REDIC1: variants seen among roughly 807,000 people sequenced by gnomAD.
REDIC1 encodes the protein HEI10 Interacting Protein 1.
At chr12:39,836,005 G>A in the REDIC1 span, among the ~76,000 whole-genome samples, 1 of 152,070 alleles carries the variant, frequency 6.6e-6, no homozygotes, top group Non-Finnish European at 1.5e-5. Flanking sequence ...TAGTAATTTT[G>A]ATAACTCACT....
At chr12:39,653,518 C>CTTCTTCTTCTTCTTCTTA in the REDIC1 span, among the ~76,000 whole-genome samples, 1 of 56,658 alleles carries the variant, frequency 1.8e-5, no homozygotes, top group Non-Finnish European at 4.5e-5. Flanking sequence ...TCTTCTTCTT[C>CTTCTTCTTCTTCTTCTTA]TTCTTCTTCT....
At chr12:39,813,278 A>G in the REDIC1 span, among the ~76,000 whole-genome samples, 5 of 152,034 alleles carry the variant, frequency 3.3e-5, no homozygotes, top group South Asian at 1.0e-3. Flanking sequence ...CTAGGTCAGC[A>G]TTTATTTTGA....
chr12:39,775,244 G>A, the REDIC1 span, among the ~76,000 whole-genome samples: 1 of 152,218 alleles, frequency 6.6e-6, no homozygotes, highest in Non-Finnish European at 1.5e-5. Context: ...TCATTTTAAA[G>A]TAAATTGGGC....
chr12:39,741,731 T>C, the REDIC1 span, among the ~76,000 whole-genome samples: 1 of 152,186 alleles, frequency 6.6e-6, no homozygotes, highest in African/African-American at 2.4e-5. Flanking sequence ...TGAGATATCT[T>C]TAAGTGGGGG....
At chr12:39,882,862 TG>T in the REDIC1 span, among the ~76,000 whole-genome samples, 1 of 152,220 alleles carries the variant, frequency 6.6e-6, no homozygotes, top group Non-Finnish European at 1.5e-5. Context: ...ACTTTGTTTC[TG>T]GTACTAGAAT....
At chr12:39,713,497 CAT>C in the REDIC1 span, among the ~76,000 whole-genome samples, 2,893 of 149,462 alleles carry the variant, frequency 0.019, 92 homozygotes, top group African/African-American at 0.066. Flanking sequence ...CATTTGTACA[CAT>C]ACATATGTAT....
At chr12:39,777,460 G>A in the REDIC1 span, among the ~76,000 whole-genome samples, 9 of 152,228 alleles carry the variant, frequency 5.9e-5, no homozygotes, top group East Asian at 1.5e-3. Context: ...ATATGGAAGG[G>A]AAGTGCTAGG....
the REDIC1 span, among the ~76,000 whole-genome samples, chr12:39,635,834 T>C: frequency 6.6e-5 from 10 of 152,056 alleles, no homozygotes; most frequent in Non-Finnish European, 5.9e-5. Flanking sequence ...TTTATGGTAT[T>C]TATAATATTG....
chr12:39,627,709 A>C, the REDIC1 span, among the ~76,000 whole-genome samples: 1 of 152,180 alleles, frequency 6.6e-6, no homozygotes, highest in Admixed American at 6.5e-5. Context: ...GATTAGGAGA[A>C]AATATGTGTT....
the REDIC1 span, among the ~76,000 whole-genome samples, chr12:39,799,375 G>T: frequency 2.0e-5 from 3 of 149,932 alleles, no homozygotes; most frequent in Non-Finnish European, 4.4e-5. Flanking sequence ...CTTCCAAAGT[G>T]CTGGAATTAC....
At chr12:39,809,646 T>C in the REDIC1 span, among the ~76,000 whole-genome samples, 3 of 152,176 alleles carry the variant, frequency 2.0e-5, no homozygotes, top group Non-Finnish European at 4.4e-5. Context: ...CCTAATGCTA[T>C]CCTTTCCCCA....
At chr12:39,683,424 A>G in the REDIC1 span, 90 of 1,595,172 alleles carry the variant, frequency 5.6e-5, no homozygotes, top group Admixed American at 4.9e-4. Flanking sequence ...GAAAAATTTG[A>G]AAATGATTAC....
chr12:39,858,376 C>A, the REDIC1 span, among the ~76,000 whole-genome samples: 3 of 152,140 alleles, frequency 2.0e-5, no homozygotes, highest in Admixed American at 1.3e-4. Flanking sequence ...TTAATAGTAA[C>A]CTCATGGTAT....
the REDIC1 span, among the ~76,000 whole-genome samples, chr12:39,665,161 G>T: frequency 6.6e-6 from 1 of 152,004 alleles, no homozygotes; most frequent in Admixed American, 6.6e-5. Flanking sequence ...CCTATGTCCT[G>T]AATGGTATTG....
chr12:39,712,453 C>T, the REDIC1 span, among the ~76,000 whole-genome samples: 2 of 40,374 alleles, frequency 5.0e-5, no homozygotes, highest in South Asian at 1.2e-3. Context: ...TGTATACATA[C>T]GTATATATAC....
At chr12:39,792,622 T>A in the REDIC1 span, among the ~76,000 whole-genome samples, 1 of 152,124 alleles carries the variant, frequency 6.6e-6, no homozygotes, top group Non-Finnish European at 1.5e-5. Flanking sequence ...AGTTCCAGGA[T>A]CCCTGTGGAT....
the REDIC1 span, among the ~76,000 whole-genome samples, chr12:39,744,298 G>C: frequency 1.3e-5 from 2 of 152,168 alleles, no homozygotes; most frequent in Non-Finnish European, 2.9e-5. Context: ...TTTGTTGTCA[G>C]TACACCTGAC....
At chr12:39,669,133 T>C in the REDIC1 span, among the ~76,000 whole-genome samples, 1 of 152,200 alleles carries the variant, frequency 6.6e-6, no homozygotes, top group Non-Finnish European at 1.5e-5. Flanking sequence ...GACGCTCTGA[T>C]TTTTAGAGTT....
At chr12:39,661,402 T>C in the REDIC1 span, among the ~76,000 whole-genome samples, 1 of 152,132 alleles carries the variant, frequency 6.6e-6, no homozygotes, top group East Asian at 1.9e-4. Flanking sequence ...CCCTAATGAC[T>C]AGTGACGTTG....
Sources: allele counts gnomAD v4.1 joint callset (sites outside exome capture counted in the v4.1 genomes callset), GRCh38; gene constraint gnomAD v4.1.1; transcripts MANE v1.5; gene names NCBI Gene and HGNC (gene_info 2026-07-23, HGNC 2026-07-21).